ATXN7L1: variants seen among roughly 807,000 people sequenced by gnomAD.
ATXN7L1 encodes ataxin 7 like 1, also known as ataxin-7-like protein 1.
In ATXN7L1, 15 loss-of-function variants were observed where a neutral mutation model predicts 70.8. That is an observed-to-expected ratio of 0.21 (90% CI 0.14 to 0.33). ATXN7L1 has a LOEUF of 0.33. Ranked by LOEUF, ATXN7L1 falls within the 10% of genes least tolerant of loss-of-function variation. The pLI, the probability that ATXN7L1 is intolerant of heterozygous loss-of-function variation, is 1.00. For synonymous variants in ATXN7L1, 440 were observed against 445.1 expected (o/e 0.99, Z 0.14); for missense variants, 975 against 1,097.1 (o/e 0.89, Z 1.57).
chr7:105,836,493 G>A (rs1450572370), intron 2 of ATXN7L1, among the ~76,000 whole-genome samples: 1 of 152,194 alleles, frequency 6.6e-6, no homozygotes, highest in Non-Finnish European at 1.5e-5. Context: ...TCCCAGCTGA[G>A]GGTGATGTTT....
At chr7:105,770,890 A>T (rs1042066167) in intron 3 of ATXN7L1, among the ~76,000 whole-genome samples, 5 of 152,106 alleles carry the variant, frequency 3.3e-5, no homozygotes, top group African/African-American at 1.2e-4. Context: ...CACCAGCATC[A>T]CCAAGGATCA....
chr7:105,655,751 T>C (rs1800528551), intron 4 of ATXN7L1, among the ~76,000 whole-genome samples: 2 of 152,156 alleles, frequency 1.3e-5, no homozygotes, highest in East Asian at 1.9e-4. Context: ...CCATAAAGCG[T>C]TGGGAAGACT....
At chr7:105,750,778 GGGCGACAGAGTA>G (rs1799117095) in intron 3 of ATXN7L1, among the ~76,000 whole-genome samples, 1 of 152,104 alleles carries the variant, frequency 6.6e-6, no homozygotes, top group East Asian at 1.9e-4. Context: ...ACCCCAGCCT[GGGCGACAGAGTA>G]AGACTCTGTC....
intron 3 of ATXN7L1, among the ~76,000 whole-genome samples, chr7:105,676,167 C>CCT (rs1413317725): frequency 6.6e-6 from 1 of 152,162 alleles, no homozygotes; most frequent in Non-Finnish European, 1.5e-5. Context: ...GAACCACGAT[C>CCT]CTCTTCATAA....
chr7:105,704,501 T>C (rs1189489880), intron 3 of ATXN7L1, among the ~76,000 whole-genome samples: 2 of 151,742 alleles, frequency 1.3e-5, no homozygotes. Context: ...TGATACTGTT[T>C]AATTCACACA....
At chr7:105,798,517 C>T (rs747965279) in intron 2 of ATXN7L1, among the ~76,000 whole-genome samples, 37 of 152,232 alleles carry the variant, frequency 2.4e-4, no homozygotes, top group Non-Finnish European at 5.3e-4. Flanking sequence ...GCAGAGATCT[C>T]ACTGATTGGC....
intron 2 of ATXN7L1, among the ~76,000 whole-genome samples, chr7:105,862,537 C>T (rs1816793975): frequency 6.6e-6 from 1 of 152,158 alleles, no homozygotes; most frequent in East Asian, 1.9e-4. Context: ...GGTGCTTGAA[C>T]CCACAAGCTC....
intron 3 of ATXN7L1, among the ~76,000 whole-genome samples, chr7:105,775,650 A>G (rs1802626393): frequency 6.6e-6 from 1 of 152,208 alleles, no homozygotes; most frequent in Non-Finnish European, 1.5e-5. Context: ...CAGTACACGT[A>G]GTATGTGGGA....
intron 3 of ATXN7L1, among the ~76,000 whole-genome samples, chr7:105,713,351 G>C (rs1338838596): frequency 6.6e-6 from 1 of 152,192 alleles, no homozygotes; most frequent in African/African-American, 2.4e-5. Context: ...TTCTGATGCT[G>C]TTACAGAATA....
At chr7:105,851,264 C>T (rs1460739840) in intron 2 of ATXN7L1, among the ~76,000 whole-genome samples, 1 of 152,130 alleles carries the variant, frequency 6.6e-6, no homozygotes, top group East Asian at 1.9e-4. Flanking sequence ...AGGTAGCTAG[C>T]CTAAAGTCAC....
chr7:105,713,297 T>C (rs1041441674), intron 3 of ATXN7L1, among the ~76,000 whole-genome samples: 10 of 152,184 alleles, frequency 6.6e-5, no homozygotes, highest in African/African-American at 2.2e-4. Context: ...GTGATGATGA[T>C]GCAGCTGATC....
At chr7:105,695,235 C>T (rs1287206372) in intron 3 of ATXN7L1, among the ~76,000 whole-genome samples, 1 of 152,092 alleles carries the variant, frequency 6.6e-6, no homozygotes, top group Non-Finnish European at 1.5e-5. Context: ...TGCAGTGAGC[C>T]GAGATCACAC....
At chr7:105,662,043 C>T (rs1375507149) in intron 4 of ATXN7L1, among the ~76,000 whole-genome samples, 1 of 98,488 alleles carries the variant, frequency 1.0e-5, no homozygotes, top group Non-Finnish European at 2.1e-5. Context: ...TCCTTCCTTC[C>T]TTCCTTCCTT....
chr7:105,707,679 G>A (rs1392140933), intron 3 of ATXN7L1, among the ~76,000 whole-genome samples: 2 of 152,182 alleles, frequency 1.3e-5, no homozygotes, highest in African/African-American at 2.4e-5. Context: ...CACACCCTGC[G>A]AACATGACCT....
intron 4 of ATXN7L1, among the ~76,000 whole-genome samples, chr7:105,643,536 G>C (rs79798263): frequency 6.6e-6 from 1 of 152,060 alleles, no homozygotes; most frequent in Non-Finnish European, 1.5e-5. Context: ...CCCTCCCCCC[G>C]CTGCTCAGCT....
At chr7:105,644,785 A>G (rs935081363) in intron 4 of ATXN7L1, among the ~76,000 whole-genome samples, 1 of 152,236 alleles carries the variant, frequency 6.6e-6, no homozygotes, top group Non-Finnish European at 1.5e-5. Flanking sequence ...AAAAGCCACA[A>G]GTTAAGAAAT....
intron 2 of ATXN7L1, among the ~76,000 whole-genome samples, chr7:105,795,539 C>T (rs541683039): frequency 2.0e-5 from 3 of 152,122 alleles, no homozygotes; most frequent in South Asian, 2.1e-4. Flanking sequence ...TTCCAAGGCT[C>T]GAGACTTTGA....
At chr7:105,834,036 TTTTG>T (rs1323582566) in intron 2 of ATXN7L1, among the ~76,000 whole-genome samples, 56 of 152,202 alleles carry the variant, frequency 3.7e-4, no homozygotes, top group African/African-American at 8.4e-4. Context: ...ATTGTCTTTG[TTTTG>T]TTTATTATTT....
At chr7:105,739,287 G>A (rs550811932) in intron 3 of ATXN7L1, among the ~76,000 whole-genome samples, 11 of 152,164 alleles carry the variant, frequency 7.2e-5, no homozygotes, top group Non-Finnish European at 1.3e-4. Context: ...CCACAATTAC[G>A]TTTGCACCAA....
Sources: allele counts gnomAD v4.1 joint callset (sites outside exome capture counted in the v4.1 genomes callset), GRCh38; gene constraint gnomAD v4.1.1; transcripts MANE v1.5; gene names NCBI Gene and HGNC (gene_info 2026-07-23, HGNC 2026-07-21).